TULP4: variants seen among roughly 807,000 people sequenced by gnomAD.
TULP4 encodes the protein tubby-related protein 4.
Under a neutral mutation model 129.0 loss-of-function variants are expected in TULP4, and 16 were observed. That is an observed-to-expected ratio of 0.12 (90% CI 0.08 to 0.19). TULP4 has a LOEUF of 0.19. Among genes scored for constraint, TULP4 ranks in the 10% least tolerant of loss-of-function variants. TULP4 has a pLI of 1.00. For synonymous variants in TULP4, 998 were observed against 854.0 expected (o/e 1.17, Z -2.94); for missense variants, 1,842 against 2,059.1 (o/e 0.89, Z 2.04).
At chr6:158,362,541 G>A (rs1411990309) in intron 1 of TULP4, among the ~76,000 whole-genome samples, 2 of 152,082 alleles carry the variant, frequency 1.3e-5, no homozygotes, top group Admixed American at 1.3e-4. Context: ...ATAGAGACAG[G>A]GTCTTGCTGT....
At chr6:158,284,096 A>G (rs756713738) in intron 1 of TULP4, among the ~76,000 whole-genome samples, 2 of 152,326 alleles carry the variant, frequency 1.3e-5, no homozygotes, top group Non-Finnish European at 2.9e-5. Flanking sequence ...AAAGTGAGAA[A>G]AATCCATAGG....
chr6:158,495,824 G>A (rs1349551787), intron 11 of TULP4, among the ~76,000 whole-genome samples: 5 of 150,834 alleles, frequency 3.3e-5, no homozygotes, highest in Admixed American at 2.0e-4. Context: ...TGGGCAACAC[G>A]AGCGAAACTA....
At chr6:158,410,534 A>G (rs1778074529) in intron 1 of TULP4, among the ~76,000 whole-genome samples, 1 of 152,210 alleles carries the variant, frequency 6.6e-6, no homozygotes. Context: ...TTAATTTGTC[A>G]TGTTCTATTC....
At position 158,313,970 on chromosome 6, in the gene TULP4, A is replaced by G; in HGVS notation, c.-47A>G. 6.3e-7 allele frequency: 1 copy of G among 1,583,682 alleles called. No homozygotes were observed. Among genetic ancestry groups the G allele is most frequent in the Admixed American group, 1.8e-5 (1 of 56,002 alleles). On this transcript the variant is annotated 5_prime_UTR_variant, in exon 1 of 14. Transcript: ENST00000367097. The stretch of plus-strand genomic sequence containing the variant: ...AATGAAAGAAATTGGTTTAAATTTC[A>G]CAGCATTAACATTACTTTTTAAGTA...
chr6:158,459,207 G>T (rs560674522), intron 5 of TULP4, among the ~76,000 whole-genome samples: 2 of 152,266 alleles, frequency 1.3e-5, no homozygotes, highest in Admixed American at 6.5e-5. Flanking sequence ...GAGGCGGGTG[G>T]ATCACATGAG....
chr6:158,291,242 GT>G (rs1173289392), intron 1 of TULP4, among the ~76,000 whole-genome samples: 2 of 152,194 alleles, frequency 1.3e-5, no homozygotes, highest in Non-Finnish European at 2.9e-5. Flanking sequence ...TGCGAGGTCA[GT>G]TGGCCTTAAA....
In TULP4 at chr6:158,499,692, G is replaced by A. The variant is rs369746263; in HGVS notation, c.2014+880G>A. ...CTAGAGGAACCCAGACATGGACCGT[G>A]ACTTCTCCAGTATCTGGATGTCTGT... On this transcript the variant is annotated intron_variant, in intron 12 of 13. Coordinates refer to ENST00000367097, the MANE Select transcript of TULP4 (RefSeq NM_020245.5). 3.0e-4 allele frequency among the ~76,000 whole-genome samples: 46 copies of A among 152,276 alleles called. No individual in the cohort carries two copies. The South Asian group carries it at 9.3e-3, about 31-fold the overall frequency.
chr6:158,384,654 A>G (rs1008177519), intron 1 of TULP4, among the ~76,000 whole-genome samples: 7 of 152,040 alleles, frequency 4.6e-5, no homozygotes, highest in Admixed American at 4.6e-4. Context: ...CAAGTATTTG[A>G]ATTTGTTTGA....
chr6:158,474,288 C>T (rs1196954242), intron 6 of TULP4, among the ~76,000 whole-genome samples: 1 of 152,182 alleles, frequency 6.6e-6, no homozygotes, highest in Non-Finnish European at 1.5e-5. Flanking sequence ...TCCGACTGTC[C>T]CAGGAATCTG....
Position 158,479,992 on chromosome 6 carries a change from C to G in TULP4, c.1251+17C>G. ...ACCATCAAGGTAAAGCCCTCCACCC[C>G]TCCCTCTTCCTCCTCCCTCACCTGT... is the stretch of plus-strand genomic sequence containing the variant. On this transcript the variant is annotated intron_variant, in intron 7 of 13. Coordinates refer to ENST00000367097, the MANE Select transcript of TULP4 (RefSeq NM_020245.5). The G allele has an allele frequency of 1.9e-6, 3 of 1,554,130 alleles. No individual in the cohort carries two copies. Among genetic ancestry groups the G allele is most frequent in the Admixed American group, 1.7e-5 (1 of 59,430 alleles).
chr6:158,296,033 G>A (rs963629540), intron 1 of TULP4, among the ~76,000 whole-genome samples: 7 of 152,150 alleles, frequency 4.6e-5, no homozygotes, highest in Non-Finnish European at 2.9e-5. Flanking sequence ...TACCACCAAT[G>A]TATTCTCTAT....
chr6:158,498,743 T>C lies in TULP4; in HGVS notation c.1945T>C (p.Ser649Pro), dbSNP rs146628860. 2.8e-4 allele frequency: 447 copies of C among 1,614,222 alleles called. 5 individuals carry two copies. The Middle Eastern group carries it at 4.5e-3, about 16-fold the overall frequency. ...TIYLPEVRKI[S>P]MDYINLPVFN... ...TTATCTCCCAGAAGTTCGGAAAATT[T>C]CCATGGACTATATTAATTTACCTGT... Residue 649 changes from serine (S) to proline (P), a missense_variant, in exon 12 of 14, where the codon TCC becomes CCC. Coordinates refer to ENST00000367097, the MANE Select transcript of TULP4 (RefSeq NM_020245.5).
At chr6:158,390,707 A>G (rs1293107589) in intron 1 of TULP4, among the ~76,000 whole-genome samples, 1 of 152,218 alleles carries the variant, frequency 6.6e-6, no homozygotes, top group African/African-American at 2.4e-5. Flanking sequence ...TGAAGGAGAA[A>G]AGCACTCTTC....
intron 1 of TULP4, among the ~76,000 whole-genome samples, chr6:158,297,537 T>A (rs930467560): frequency 6.6e-6 from 1 of 152,166 alleles, no homozygotes; most frequent in Non-Finnish European, 1.5e-5. Flanking sequence ...AAGTGATAAA[T>A]GTCCATGAAA....
chr6:158,365,636 C>T (rs1055464808), intron 1 of TULP4, among the ~76,000 whole-genome samples: 29 of 151,216 alleles, frequency 1.9e-4, no homozygotes, highest in Admixed American at 7.9e-4. Context: ...GCCACCATGC[C>T]CAGCTAATTT....
chr6:158,318,713 T>C (rs1779549695), intron 1 of TULP4, among the ~76,000 whole-genome samples: 1 of 152,032 alleles, frequency 6.6e-6, no homozygotes, highest in Non-Finnish European at 1.5e-5. Context: ...TATCCTCAAT[T>C]GTTATATCTT....
At chr6:158,285,719 G>T (rs939490757) in intron 1 of TULP4, among the ~76,000 whole-genome samples, 1 of 152,104 alleles carries the variant, frequency 6.6e-6, no homozygotes, top group Admixed American at 6.5e-5. Flanking sequence ...TTCCCCTGTC[G>T]CCCTGCCCTG....
At chr6:158,480,671 A>G (rs1290958828) in intron 7 of TULP4, among the ~76,000 whole-genome samples, 1 of 149,890 alleles carries the variant, frequency 6.7e-6, no homozygotes, top group African/African-American at 2.4e-5. Flanking sequence ...TGAAACATCA[A>G]AGTTTTAGAA....
intron 1 of TULP4, among the ~76,000 whole-genome samples, chr6:158,383,166 C>T (rs965957415): frequency 2.6e-5 from 4 of 152,138 alleles, no homozygotes; most frequent in Admixed American, 2.0e-4. Flanking sequence ...CATTAAGATG[C>T]GGGGCCTGGA....
Sources: gnomAD v4.1 joint callset for allele counts (sites outside exome capture counted in the v4.1 genomes callset) on GRCh38, gnomAD v4.1.1 for gene constraint, MANE v1.5 for transcripts, NCBI Gene and HGNC (gene_info 2026-07-23, HGNC 2026-07-21) for gene names.